IL12RB1: variants seen among roughly 807,000 people sequenced by gnomAD.
IL12RB1 encodes the protein interleukin 12 receptor subunit beta 1.
Under a neutral mutation model 94.4 loss-of-function variants are expected in IL12RB1, and 64 were observed. That is an observed-to-expected ratio of 0.68 (90% CI 0.55 to 0.83). The LOEUF is 0.83. Ranked by LOEUF, IL12RB1 falls within the 40% of genes least tolerant of loss-of-function variation. The pLI is 0.00. For synonymous variants in IL12RB1, 362 were observed against 355.5 expected, an observed-to-expected ratio of 1.02 and a Z score of -0.21; for missense variants, 814 against 855.6, an observed-to-expected ratio of 0.95 and a Z score of 0.61.
At chr19:18,075,983 T>C in intron 6 of IL12RB1, 115 bp from the exon 7 acceptor site, 1 of 1,018,720 alleles carries the variant, frequency 9.8e-7, no homozygotes. Context: ...ACGTGCTGGG[T>C]CCTGGGGGCT....
chr19:18,063,076 C>CTCT (rs1345434373), intron 13 of IL12RB1, among the ~76,000 whole-genome samples: 6 of 75,172 alleles, frequency 8.0e-5, no homozygotes, highest in Admixed American at 3.5e-4. Flanking sequence ...TCTTCTTCTT[C>CTCT]TATTTTTTTT....
intron 3 of IL12RB1, 85 bp from the exon 4 acceptor site, chr19:18,081,086 G>A (rs765004244): frequency 3.0e-5 from 37 of 1,245,038 alleles, no homozygotes; most frequent in South Asian, 8.9e-5. Context: ...TCCCAGCATC[G>A]TTTTTTTGGT....
intron 16 of IL12RB1, 113 bp from the exon 17 acceptor site, chr19:18,059,726 C>T (rs1392725849): frequency 1.1e-5 from 8 of 752,742 alleles, no homozygotes; most frequent in Non-Finnish European, 2.0e-5. Flanking sequence ...TAATAACCAG[C>T]CGTTGTGATT....
intron 1 of IL12RB1, chr19:18,097,785 C>T (rs935854277): frequency 2.2e-5 from 27 of 1,218,936 alleles, no homozygotes; most frequent in Non-Finnish European, 2.7e-5. Context: ...GGCGCGGACT[C>T]CCGGGCCATG....
In IL12RB1 at chr19:18,083,408, CAACAATGAGGA is replaced by C. The variant is rs1331009281; in HGVS notation, c.124+13_124+23del. 6.2e-7 allele frequency: 1 copy of C among 1,610,356 alleles called. No homozygotes were observed. Reference sequence around the variant, plus strand: ...GGCAGAGCCCTACATAATCCTCAGCCAACAATGAGGAACTGCCCCGAACCTGAGTCTGCATC... The same window carrying C: ...GGCAGAGCCCTACATAATCCTCAGCCACTGCCCCGAACCTGAGTCTGCATC... On this transcript the variant is annotated intron_variant, in intron 2 of 16. Transcript: ENST00000593993.
chr19:18,080,896 C>T lies in IL12RB1; in HGVS notation c.345G>A (p.Val115=), dbSNP rs766467876. The T allele has an allele frequency of 1.2e-6, 2 of 1,613,032 alleles. No homozygotes were observed. Among genetic ancestry groups the T allele is most frequent in the Non-Finnish European group, 1.7e-6 (2 of 1,179,044 alleles). The part of the protein sequence containing the change: ...VSVLYTVTLW[V]ESWARNQTEK... Reference sequence around the variant, plus strand: ...CTGTCTGGTTCCTGGCCCAGGATTCCACCCAGAGTGTGACAGTGTACAGCA... The same window carrying T: ...CTGTCTGGTTCCTGGCCCAGGATTCTACCCAGAGTGTGACAGTGTACAGCA... Residue 115 remains valine, a synonymous_variant, in exon 4 of 17, where the codon GTG becomes GTA. Transcript: ENST00000593993.
At position 18,060,054 on chromosome 19, in the gene IL12RB1, T is replaced by C; in HGVS notation, c.1823A>G (p.Gln608Arg). The C allele has an allele frequency of 6.2e-7, 1 of 1,606,506 alleles. No individual in the cohort carries two copies. Among genetic ancestry groups the C allele is most frequent in the Non-Finnish European group, 8.5e-7 (1 of 1,174,274 alleles). The change falls in exon 16 of 17, where the codon CAG becomes CGG. Residue 608 changes from glutamine to arginine, a missense_variant. Gln to Arg is a conservative substitution (Grantham distance 43, BLOSUM62 1). Transcript: ENST00000593993. ...TWQWINPVDF[Q>R]EEASLQEALV... ...GGCCTCCTGCAGGGATGCCTCTTCC[T>C]GGAAGTCCACTGGGTTGATCCACTG... is the stretch of plus-strand genomic sequence containing the variant.
chr19:18,073,675 G>T, intron 7 of IL12RB1, 76 bp from the exon 8 acceptor site: 1 of 900,400 alleles, frequency 1.1e-6, no homozygotes, highest in Non-Finnish European at 1.8e-6. Context: ...GTAAATGATG[G>T]ATTCTCCACA....
chr19:18,098,513 G>A (rs2037219513), intron 1 of IL12RB1, among the ~76,000 whole-genome samples: 1 of 152,090 alleles, frequency 6.6e-6, no homozygotes, highest in Admixed American at 6.6e-5. Context: ...TTTATGTTTA[G>A]GAGGCTGTGT....
At position 18,059,238 on chromosome 19, in the gene IL12RB1, C is replaced by T. The variant is rs2033947740; in HGVS notation, c.*370G>A. 2.3e-5 allele frequency: 8 copies of T among 355,482 alleles called. No homozygotes were observed. The highest frequency in any genetic ancestry group is 3.7e-5 in the Non-Finnish European group (7 of 187,688). 22.0% of individuals were successfully genotyped at this position (355,482 alleles called of 1,614,324 possible). A position where few individuals can be genotyped will look rare whatever the true frequency, so the allele number is the denominator to read the frequency against. ...CTGGATCCTCCAAGCTACAAGACCC[C>T]GCAATGCTGCAGGGAGCCCTTGAGT... On this transcript the variant is annotated 3_prime_UTR_variant, in exon 17 of 17. Coordinates refer to ENST00000593993, the MANE Select transcript of IL12RB1 (RefSeq NM_005535.3).
rs527987581 is a variant in IL12RB1 at position 18,072,820 on chromosome 19, G to A, written c.784-471C>T. Among the ~76,000 whole-genome samples the A allele has an allele frequency of 7.2e-5, 11 of 151,822 alleles. No individual in the cohort carries two copies. The East Asian group carries it at 9.7e-4, about 13-fold the overall frequency. ...AAATTAGCCCGGCATGGTGGTGGGC[G>A]CCTGTAGTCCCAGCTACTCGGGAGG... On this transcript the variant is annotated intron_variant, in intron 8 of 16. Transcript: ENST00000593993.
intron 8 of IL12RB1, 66 bp downstream of exon 8, chr19:18,073,451 C>T (rs778292461): frequency 2.4e-5 from 23 of 962,144 alleles, no homozygotes; most frequent in South Asian, 1.0e-4. Flanking sequence ...GCTCATCCCC[C>T]GCCTAGGCTT....
intron 1 of IL12RB1, among the ~76,000 whole-genome samples, chr19:18,093,319 CA>C (rs1257600937): frequency 1.4e-5 from 2 of 138,558 alleles, no homozygotes; most frequent in African/African-American, 2.9e-5. Context: ...AAACAAAAAA[CA>C]AAAAAACACA....
intron 7 of IL12RB1, among the ~76,000 whole-genome samples, chr19:18,075,059 A>T (rs2035356829): frequency 6.6e-6 from 1 of 150,746 alleles, no homozygotes; most frequent in Non-Finnish European, 1.5e-5. Context: ...CTCAAAAAAA[A>T]AAACAACAAA....
intron 5 of IL12RB1, 120 bp from the exon 6 acceptor site, chr19:18,076,447 G>T: frequency 1.4e-6 from 1 of 701,630 alleles, no homozygotes. Context: ...CTGTCATCTA[G>T]GCTGGAGTGC....
At chr19:18,095,317 G>A (rs979039904) in intron 1 of IL12RB1, among the ~76,000 whole-genome samples, 2 of 152,148 alleles carry the variant, frequency 1.3e-5, no homozygotes, top group Non-Finnish European at 2.9e-5. Flanking sequence ...AAATGTACAT[G>A]TACATATATA....
intron 12 of IL12RB1, among the ~76,000 whole-genome samples, chr19:18,065,804 GAC>G (rs2034532889): frequency 6.6e-6 from 1 of 150,732 alleles, no homozygotes; most frequent in African/African-American, 2.4e-5. Context: ...GGGTGACAGA[GAC>G]AGACTCCCTC....
At chr19:18,076,380 T>G in intron 5 of IL12RB1, 53 bp from the exon 6 acceptor site, 2 of 897,586 alleles carry the variant, frequency 2.2e-6, no homozygotes, top group South Asian at 2.6e-5. Flanking sequence ...CTGAAAAATA[T>G]TTGCTGTTTT....
intron 1 of IL12RB1, among the ~76,000 whole-genome samples, chr19:18,092,920 T>C (rs768480118): frequency 1.3e-5 from 2 of 152,182 alleles, no homozygotes; most frequent in Non-Finnish European, 2.9e-5. Context: ...GATGGGTACA[T>C]AGAAGCTCAC....
Sources: gnomAD v4.1 joint callset for allele counts (sites outside exome capture counted in the v4.1 genomes callset) on GRCh38, gnomAD v4.1.1 for gene constraint, MANE v1.5 for transcripts, NCBI Gene and HGNC (gene_info 2026-07-23, HGNC 2026-07-21) for gene names.